The following COPE variants were observed in gnomAD, a reference collection of about 807,000 sequenced individuals.
COPE encodes the protein coat protein complex I subunit epsilon.
In COPE, 19 loss-of-function variants were observed where a neutral mutation model predicts 42.1. The ratio of observed to expected loss-of-function variants is 0.45; its 90% CI spans 0.31 to 0.66. COPE has a LOEUF of 0.66. COPE is among the 30% of genes least tolerant of loss of function. The pLI is 0.05. For synonymous variants in COPE, 195 were observed against 181.3 expected (o/e 1.08, Z -0.60); for missense variants, 402 against 416.1 (o/e 0.97, Z 0.30).
chr19:18,904,946 G>T, intron 5 of COPE, 94 bp from the exon 6 acceptor site: 2 of 1,261,406 alleles, frequency 1.6e-6, no homozygotes, highest in Non-Finnish European at 1.1e-6. Flanking sequence ...ACCGGAGCCT[G>T]GGGATGGCCC....
At position 18,913,050 on chromosome 19, in the gene COPE, T is replaced by C; in HGVS notation, c.127-4A>G. On this transcript the variant is annotated splice_region_variant and splice_polypyrimidine_tract_variant and intron_variant, in intron 1 of 9. Coordinates refer to ENST00000262812, the MANE Select transcript of COPE (RefSeq NM_007263.4). Reference sequence around the variant, plus strand: ...CGTCTCTCTCTGGGCTTGATAGCTGTGGGAACCAATGTGAGTCAGGACGCA... The same window carrying C: ...CGTCTCTCTCTGGGCTTGATAGCTGCGGGAACCAATGTGAGTCAGGACGCA... 6.2e-7 allele frequency: 1 copy of C among 1,609,748 alleles called. No homozygotes were observed. Among genetic ancestry groups the C allele is most frequent in the Non-Finnish European group, 8.5e-7 (1 of 1,179,634 alleles).
At position 18,911,080 on chromosome 19, in the gene COPE, G is replaced by A. The variant is rs756267658; in HGVS notation, c.190-9C>T. 1 of 1,611,676 alleles carries A rather than the reference G, an allele frequency of 6.2e-7. No individual in the cohort carries two copies. Among genetic ancestry groups the A allele is most frequent in the Admixed American group, 1.7e-5 (1 of 60,010 alleles). On this transcript the variant is annotated splice_polypyrimidine_tract_variant and intron_variant, in intron 2 of 9. Transcript: ENST00000262812. Reference sequence around the variant, plus strand: ...ACCACACCGAACTTCCTCTGCAGTAGGGACGAGGCGTCAGCTGCACCCGTC... The same window carrying A: ...ACCACACCGAACTTCCTCTGCAGTAAGGACGAGGCGTCAGCTGCACCCGTC...
chr19:18,899,827 C>T (rs763379952), intron 9 of COPE, 46 bp downstream of exon 9: 23 of 1,610,244 alleles, frequency 1.4e-5, no homozygotes, highest in Non-Finnish European at 1.7e-5. Context: ...GAGCTCCAGG[C>T]GCCCCCTGGC....
intron 3 of COPE, 120 bp from the exon 4 acceptor site, chr19:18,907,232 G>T: frequency 1.9e-6 from 2 of 1,041,304 alleles, no homozygotes; most frequent in Middle Eastern, 2.2e-4. Context: ...GGGGTGCAGA[G>T]CAGCAGCAGG....
In COPE at chr19:18,899,742, T is replaced by C. The variant is rs1230202944; in HGVS notation, c.880-16A>G. 4 of 1,613,530 alleles carry C rather than the reference T, an allele frequency of 2.5e-6. No homozygotes were observed. The highest frequency in any genetic ancestry group is 2.2e-5 in the East Asian group (1 of 44,860). ...AGTCGTTCTCCTTTAGCAAGACACATGGCAACACAGGGTGGGGGCAGGGTG... is the reference window on the plus strand; with the variant it reads ...AGTCGTTCTCCTTTAGCAAGACACACGGCAACACAGGGTGGGGGCAGGGTG... On this transcript the variant is annotated splice_polypyrimidine_tract_variant and intron_variant, in intron 9 of 9. Transcript: ENST00000262812.
At chr19:18,908,496 G>A (rs369842516) in intron 3 of COPE, among the ~76,000 whole-genome samples, 1 of 149,506 alleles carries the variant, frequency 6.7e-6, no homozygotes, top group African/African-American at 2.5e-5. Flanking sequence ...GACCAGCCTG[G>A]GCAACATGGC....
chr19:18,915,051 T>A (rs2056842740), intron 1 of COPE, among the ~76,000 whole-genome samples: 1 of 151,718 alleles, frequency 6.6e-6, no homozygotes, highest in African/African-American at 2.4e-5. Flanking sequence ...ATAAAAAAAT[T>A]ATAAATATTA....
In COPE at chr19:18,903,203, C is replaced by T; in HGVS notation, c.735+65G>A. The T allele has an allele frequency of 6.1e-6, 9 of 1,474,378 alleles. No homozygotes were observed. The South Asian group carries it at 1.1e-4, about 18-fold the overall frequency. 91.3% of individuals were successfully genotyped at this position (1,474,378 alleles called of 1,614,324 possible). A position where few individuals can be genotyped will look rare whatever the true frequency, so the allele number is the denominator to read the frequency against. ...TCTGCTACACTTGTTTCTGTCCGCCCTGACCCCACCCTCTGGCCGCCTGGC... is the reference window on the plus strand; with the variant it reads ...TCTGCTACACTTGTTTCTGTCCGCCTTGACCCCACCCTCTGGCCGCCTGGC... On this transcript the variant is annotated intron_variant, in intron 7 of 9. Transcript: ENST00000262812.
At chr19:18,918,445 G>A (rs2056878966) in intron 1 of COPE, among the ~76,000 whole-genome samples, 1 of 152,090 alleles carries the variant, frequency 6.6e-6, no homozygotes, top group African/African-American at 2.4e-5. Flanking sequence ...CACCTTTCGT[G>A]TTTCTTTCCT....
intron 1 of COPE, among the ~76,000 whole-genome samples, chr19:18,914,890 G>A (rs1019077995): frequency 5.3e-5 from 8 of 150,542 alleles, no homozygotes; most frequent in East Asian, 2.0e-4. Flanking sequence ...CCGAGTAGCC[G>A]CGACTATATG....
At chr19:18,900,561 G>A (rs1351397057) in intron 7 of COPE, 112 bp from the exon 8 acceptor site, 2 of 784,350 alleles carry the variant, frequency 2.5e-6, no homozygotes, top group African/African-American at 1.7e-5. Flanking sequence ...CAGAGGTGGG[G>A]TGGGACTGAC....
intron 9 of COPE, 59 bp from the exon 10 acceptor site, chr19:18,899,785 GGA>G (rs1199954280): frequency 3.1e-6 from 5 of 1,610,650 alleles, no homozygotes; most frequent in Non-Finnish European, 4.2e-6. Flanking sequence ...ACAGGTGGAG[GGA>G]GAGAGAGAGG....
Position 18,899,576 on chromosome 19 carries a change from C to T in COPE, c.*103G>A. 8.0e-7 allele frequency: 1 copy of T among 1,254,362 alleles called. No homozygotes were observed. The highest frequency in any genetic ancestry group is 1.2e-6 in the Non-Finnish European group (1 of 868,740). The allele number at this position is 1,254,362 out of a possible 1,614,324, so 77.7% of individuals were successfully genotyped here. A position where few individuals can be genotyped will look rare whatever the true frequency, so the allele number is the denominator to read the frequency against. ...AGATGGGGGTGCTGGGGGTGGGCTCCTGCCCCCAGAGGGGATGCAGGTGGA... is the reference window on the plus strand; with the variant it reads ...AGATGGGGGTGCTGGGGGTGGGCTCTTGCCCCCAGAGGGGATGCAGGTGGA... On this transcript the variant is annotated 3_prime_UTR_variant, in exon 10 of 10. Coordinates refer to ENST00000262812, the MANE Select transcript of COPE (RefSeq NM_007263.4).
At chr19:18,918,028 A>G (rs1371632190) in intron 1 of COPE, among the ~76,000 whole-genome samples, 2 of 151,708 alleles carry the variant, frequency 1.3e-5, no homozygotes, top group African/African-American at 4.8e-5. Context: ...GTCTCTACTA[A>G]AAATACAAAA....
In COPE at chr19:18,912,996, C is replaced by T. The variant is rs371028688; in HGVS notation, c.177G>A (p.Ala59=). The T allele has an allele frequency of 3.3e-5, 53 of 1,611,998 alleles. No individual in the cohort carries two copies. In the East Asian group the frequency reaches 4.0e-4, roughly 12 times the overall value. The change falls in exon 2 of 10, where the codon GCG becomes GCA. Residue 59 remains alanine, a synonymous_variant. Coordinates refer to ENST00000262812, the MANE Select transcript of COPE (RefSeq NM_007263.4). The stretch of plus-strand genomic sequence containing the variant: ...GGCCCGCACTCACCTGCGCCAGGTA[C>T]GCTCTATACAGGAAGACGTCCCTCT... ...DVERDVFLYR[A]YLAQRKFGVV... is the part of the protein sequence containing the mutation.
intron 4 of COPE, chr19:18,906,107 G>A (rs1015024245): frequency 5.0e-6 from 2 of 399,068 alleles, no homozygotes; most frequent in Non-Finnish European, 8.8e-6. Flanking sequence ...GAGGCCTCTT[G>A]TTCTTGTTTT....
chr19:18,915,013 ACCGTGC>A (rs1049375648), intron 1 of COPE, among the ~76,000 whole-genome samples: 2 of 151,926 alleles, frequency 1.3e-5, no homozygotes, highest in Admixed American at 6.6e-5. Context: ...GGCATGAGCC[ACCGTGC>A]CCGGTCTGAG....
intron 2 of COPE, among the ~76,000 whole-genome samples, chr19:18,911,686 A>G (rs1313504211): frequency 2.0e-5 from 3 of 146,598 alleles, no homozygotes; most frequent in African/African-American, 5.1e-5. Flanking sequence ...CGAGTAGCTG[A>G]GACTACAGGC....
At chr19:18,910,480 G>T (rs2056799077) in intron 3 of COPE, 1 of 164,718 alleles carries the variant, frequency 6.1e-6, no homozygotes, top group South Asian at 1.5e-4. Flanking sequence ...AGCTACTCAG[G>T]AGGCTGAGGC....
Sources: allele counts gnomAD v4.1 joint callset (sites outside exome capture counted in the v4.1 genomes callset), GRCh38; gene constraint gnomAD v4.1.1; transcripts MANE v1.5; gene names NCBI Gene and HGNC (gene_info 2026-07-23, HGNC 2026-07-21).